Variants in PI4KA observed in about 807,000 individuals in gnomAD.
PI4KA encodes PI4-kinase alpha.
A neutral mutation model predicts 271.4 loss-of-function variants in PI4KA; 122 were observed. That is an observed-to-expected ratio of 0.45 (90% CI 0.39 to 0.52). PI4KA has a LOEUF of 0.52. PI4KA is among the 20% of genes least tolerant of loss of function. The pLI, the probability that PI4KA is intolerant of heterozygous loss-of-function variation, is 0.00. For missense variants in PI4KA, 1,969 were observed against 2,769.1 expected (o/e 0.71, Z 6.48); for synonymous variants, 1,041 against 1,078.8 (o/e 0.96, Z 0.69).
At chr22:20,815,527 ACAGACT>A (rs1321494472) in intron 7 of PI4KA, among the ~76,000 whole-genome samples, 2 of 152,258 alleles carry the variant, frequency 1.3e-5, no homozygotes, top group Non-Finnish European at 2.9e-5. Flanking sequence ...GCACTAGAGA[ACAGACT>A]CAAAGAGTTT....
rs1924731608 is a variant in PI4KA, at chr22:20,708,042, C to G, written c.*5G>C. The G allele has an allele frequency of 6.2e-7, 1 of 1,611,438 alleles. No individual in the cohort carries two copies. Among genetic ancestry groups the G allele is most frequent in the Non-Finnish European group, 8.5e-7 (1 of 1,177,778 alleles). On this transcript the variant is annotated 3_prime_UTR_variant, in exon 55 of 55. Coordinates refer to ENST00000255882, the MANE Select transcript of PI4KA (RefSeq NM_058004.4). ...ATGGGGCAGAGGCCCTCGAAGGTCC[C>G]CTCCTCAGTAGGGGATGTCATTCTG...
In PI4KA at chr22:20,807,399, C is replaced by T. The variant is rs1935726062; in HGVS notation, c.1131G>A (p.Met377Ile). The T allele has an allele frequency of 6.2e-7, 1 of 1,613,558 alleles. No homozygotes were observed. The highest frequency in any genetic ancestry group is 8.5e-7 in the Non-Finnish European group (1 of 1,179,512). ...ACAGAGTGTCACGCAGCATCTTGAA[C>T]ATGGTCAGGTAGAGAGGGTCACTGA... ...TSFSDPLYLT[M>I]FKMLRDTLYY... Residue 377 changes from methionine to isoleucine, a missense_variant, in exon 10 of 55, where the codon ATG becomes ATA. Met to Ile is a conservative substitution (Grantham distance 10, BLOSUM62 1). This residue lies in a region of PI4KA where 540 missense variants were observed against 555.5 expected (regional missense o/e 0.97). Coordinates refer to ENST00000255882, the MANE Select transcript of PI4KA (RefSeq NM_058004.4).
intron 3 of PI4KA, among the ~76,000 whole-genome samples, chr22:20,827,102 T>C (rs1180053420): frequency 3.3e-5 from 5 of 152,244 alleles, no homozygotes; most frequent in African/African-American, 1.2e-4. Context: ...ATCTTTGTCA[T>C]TAAATTTTTG....
chr22:20,734,425 G>C lies in PI4KA; in HGVS notation c.3870C>G (p.Pro1290=), dbSNP rs1476029114. 2 of 1,605,652 alleles carry C rather than the reference G, an allele frequency of 1.2e-6. No individual in the cohort carries two copies. The highest frequency in any genetic ancestry group is 1.3e-5 in the African/African-American group (1 of 74,322). ...SEASQPKPCP[P]EVTPHYIWID... Reference sequence around the variant, plus strand: ...TCCAGATGTAGTGGGGGGTCACTTCGGGGGGACAGGGTTTGGGTTGACTTG... The same window carrying C: ...TCCAGATGTAGTGGGGGGTCACTTCCGGGGGACAGGGTTTGGGTTGACTTG... The change falls in exon 33 of 55, where the codon CCC becomes CCG. Residue 1290 remains proline (P), a synonymous_variant. Transcript: ENST00000255882.
At chr22:20,790,804 T>C (rs1010864380) in intron 19 of PI4KA, among the ~76,000 whole-genome samples, 1 of 150,462 alleles carries the variant, frequency 6.6e-6, no homozygotes, top group African/African-American at 2.4e-5. Flanking sequence ...AACCATAAAG[T>C]AAATGCAAGG....
chr22:20,808,342 T>C (rs1230718108), intron 9 of PI4KA, among the ~76,000 whole-genome samples: 1 of 150,970 alleles, frequency 6.6e-6, no homozygotes, highest in Non-Finnish European at 1.5e-5. Flanking sequence ...TCCCAGCACT[T>C]TGGGAGGCCA....
chr22:20,778,547 A>C (rs770050474), intron 19 of PI4KA, among the ~76,000 whole-genome samples: 20 of 152,124 alleles, frequency 1.3e-4, no homozygotes, highest in Admixed American at 7.2e-4. Context: ...ACAACAACAA[A>C]AAAACAACGA....
At chr22:20,722,878 T>C (rs1210105312) in intron 42 of PI4KA, among the ~76,000 whole-genome samples, 1 of 152,190 alleles carries the variant, frequency 6.6e-6, no homozygotes, top group East Asian at 1.9e-4. Context: ...ACTATGAATG[T>C]TCAATGTGTA....
chr22:20,793,355 A>G (rs1934772145), intron 18 of PI4KA, 112 bp from the exon 19 acceptor site: 2 of 649,226 alleles, frequency 3.1e-6, no homozygotes, highest in Non-Finnish European at 5.5e-6. Flanking sequence ...TTAATCTAAG[A>G]GAAATGATGA....
intron 3 of PI4KA, among the ~76,000 whole-genome samples, chr22:20,833,069 G>A (rs530962735): frequency 6.6e-6 from 1 of 151,972 alleles, no homozygotes; most frequent in African/African-American, 2.4e-5. Flanking sequence ...TTTTTTTGGG[G>A]GTGGTGCTTT....
At chr22:20,848,015 A>C (rs537495004) in intron 1 of PI4KA, among the ~76,000 whole-genome samples, 22 of 152,250 alleles carry the variant, frequency 1.4e-4, no homozygotes, top group African/African-American at 5.1e-4. Flanking sequence ...GGGTGGGTGG[A>C]TCACCTGAGG....
Position 20,721,747 on chromosome 22 carries a change from G to A in PI4KA, c.4996-329C>T, listed in dbSNP as rs374545437. On this transcript the variant is annotated intron_variant, in intron 42 of 54. Coordinates refer to ENST00000255882, the MANE Select transcript of PI4KA (RefSeq NM_058004.4). ...TCAAGTACGAGAAAAAGCAGGCTGG[G>A]TACTAAAAACTCACTTGTGAGCTGG... 178 of 264,352 alleles carry A rather than the reference G, an allele frequency of 6.7e-4. 1 individual carries two copies. The highest frequency in any genetic ancestry group is 3.4e-3 in the African/African-American group (161 of 47,284). 16.4% of individuals were successfully genotyped at this position (264,352 alleles called of 1,614,324 possible). A position where few individuals can be genotyped will look rare whatever the true frequency, so the allele number is the denominator to read the frequency against.
At chr22:20,809,321 G>A (rs970101998) in intron 9 of PI4KA, among the ~76,000 whole-genome samples, 1 of 152,122 alleles carries the variant, frequency 6.6e-6, no homozygotes, top group Non-Finnish European at 1.5e-5. Context: ...CAAGGAGTGA[G>A]TGAGTAAAGT....
intron 42 of PI4KA, chr22:20,726,286 G>T: frequency 2.0e-6 from 1 of 491,054 alleles, no homozygotes; most frequent in Non-Finnish European, 3.5e-6. Flanking sequence ...GCATGCTTGG[G>T]CCTCAGGGTG....
At chr22:20,826,148 G>A (rs1220222536) in intron 3 of PI4KA, among the ~76,000 whole-genome samples, 1 of 152,088 alleles carries the variant, frequency 6.6e-6, no homozygotes, top group Non-Finnish European at 1.5e-5. Flanking sequence ...TTCGAGACCA[G>A]CCTAGCCAAC....
At position 20,805,119 on chromosome 22, in the gene PI4KA, C is replaced by T. The variant is rs758807014; in HGVS notation, c.1215G>A (p.Glu405=). ...GCTCCCCCTGGCTCGTGTTGAACTG[C>T]TCCAGCACAAAATCATGGATCTCCT... ...FVKEIHDFVL[E]QFNTSQGELQ... Residue 405 remains glutamate (E), a synonymous_variant, in exon 11 of 55, where the codon GAG becomes GAA. Coordinates refer to ENST00000255882, the MANE Select transcript of PI4KA (RefSeq NM_058004.4). 22 of 1,614,026 alleles carry T rather than the reference C, an allele frequency of 1.4e-5. No homozygotes were observed. In the Admixed American group the frequency reaches 2.7e-4, roughly 20 times the overall value.
intron 3 of PI4KA, among the ~76,000 whole-genome samples, chr22:20,833,822 G>A (rs1451701716): frequency 6.6e-6 from 1 of 151,948 alleles, no homozygotes; most frequent in African/African-American, 2.4e-5. Flanking sequence ...ACCATGCCCG[G>A]CTAATTTTTG....
intron 22 of PI4KA, 116 bp from the exon 23 acceptor site, chr22:20,761,502 A>G: frequency 1.4e-6 from 1 of 710,850 alleles, no homozygotes; most frequent in South Asian, 1.5e-5. Context: ...TGTCATTCAT[A>G]AGGGTGCACA....
At chr22:20,783,964 C>A in intron 19 of PI4KA, 1 of 1,614,176 alleles carries the variant, frequency 6.2e-7, no homozygotes, top group Admixed American at 1.7e-5. Flanking sequence ...TTCCTGTGGC[C>A]TTTACAGGAT....
Sources: gnomAD v4.1 joint callset for allele counts (sites outside exome capture counted in the v4.1 genomes callset) on GRCh38, gnomAD v4.1.1 for gene constraint, gnomAD v4.1.1 regional missense constraint, MANE v1.5 for transcripts, NCBI Gene and HGNC (gene_info 2026-07-23, HGNC 2026-07-21) for gene names.